Variants in NUTM2B observed in about 807,000 individuals in gnomAD.
The protein encoded by NUTM2B is NUT family member 2B.
Under a neutral mutation model 42.4 loss-of-function variants are expected in NUTM2B, and 2 were observed. The observed-to-expected ratio is 0.05, with a 90% CI of 0.02 to 0.15. The LOEUF is 0.15. Ranked by LOEUF, NUTM2B falls within the 10% of genes least tolerant of loss-of-function variation. NUTM2B has a pLI of 1.00. For synonymous variants in NUTM2B, 18 were observed against 402.4 expected, an observed-to-expected ratio of 0.04 and a Z score of 11.43; for missense variants, 58 against 952.6, an observed-to-expected ratio of 0.06 and a Z score of 12.36.
chr10:79,699,897 A>T (rs1259904595), upstream of NUTM2B, among the ~76,000 whole-genome samples: 1 of 152,194 alleles, frequency 6.6e-6, no homozygotes, highest in Non-Finnish European at 1.5e-5. Flanking sequence ...CACCCGCACA[A>T]ATCTCACACC....
the NUTM2B span, among the ~76,000 whole-genome samples, chr10:79,692,917 GACC>G: frequency 2.6e-5 from 4 of 152,144 alleles, no homozygotes; most frequent in Non-Finnish European, 4.4e-5. Flanking sequence ...GAAGGACATA[GACC>G]ACTGAGCCCC....
chr10:79,694,804 G>A, the NUTM2B span, among the ~76,000 whole-genome samples: 2 of 152,142 alleles, frequency 1.3e-5, no homozygotes, highest in Non-Finnish European at 2.9e-5. Context: ...CGCCCTAACA[G>A]GATCTAACAT....
chr10:79,707,375 G>A (rs1373433315), intron 2 of NUTM2B, among the ~76,000 whole-genome samples: 7 of 132,858 alleles, frequency 5.3e-5, no homozygotes, highest in African/African-American at 1.8e-4. Flanking sequence ...GCATAGCACA[G>A]TGCCTGGCAC....
At chr10:79,701,646 T>C (rs1281482226), upstream of NUTM2B, among the ~76,000 whole-genome samples, 1 of 150,716 alleles carries the variant, frequency 6.6e-6, no homozygotes, top group Admixed American at 6.6e-5. Flanking sequence ...ATGTGTCCTC[T>C]GAACAGGGGA....
At chr10:79,699,500 TG>T (rs1297484309), upstream of NUTM2B, among the ~76,000 whole-genome samples, 1 of 152,256 alleles carries the variant, frequency 6.6e-6, no homozygotes, top group Non-Finnish European at 1.5e-5. Context: ...TGGAGTGCAG[TG>T]GCACGATCTG....
chr10:79,699,571 T>C (rs1308237138), upstream of NUTM2B, among the ~76,000 whole-genome samples: 1 of 152,218 alleles, frequency 6.6e-6, no homozygotes, highest in Non-Finnish European at 1.5e-5. Flanking sequence ...GCCTCCCGAG[T>C]AGCTGGGACT....
At chr10:79,695,403 T>C in the NUTM2B span, among the ~76,000 whole-genome samples, 1 of 152,128 alleles carries the variant, frequency 6.6e-6, no homozygotes, top group Non-Finnish European at 1.5e-5. Flanking sequence ...TGCCTTTGAT[T>C]CCCTCTTTTT....
upstream of NUTM2B, among the ~76,000 whole-genome samples, chr10:79,700,965 G>C (rs905767977): frequency 4.6e-5 from 7 of 152,320 alleles, no homozygotes; most frequent in African/African-American, 7.2e-5. Context: ...CAGCGCGTCC[G>C]CAACGATCAC....
upstream of NUTM2B, among the ~76,000 whole-genome samples, chr10:79,699,807 ATAT>A (rs1299711228): frequency 1.3e-5 from 2 of 152,152 alleles, no homozygotes; most frequent in Admixed American, 1.3e-4. Context: ...ATGTGAATAC[ATAT>A]TAGATTCTCA....
At chr10:79,699,796 C>T (rs1159843035), upstream of NUTM2B, among the ~76,000 whole-genome samples, 22 of 152,290 alleles carry the variant, frequency 1.4e-4, no homozygotes, top group East Asian at 3.9e-3. Context: ...CCAACCCACA[C>T]ATGTGAATAC....
upstream of NUTM2B, among the ~76,000 whole-genome samples, chr10:79,700,690 G>A (rs1021432907): frequency 6.6e-6 from 1 of 152,094 alleles, no homozygotes; most frequent in African/African-American, 2.4e-5. Context: ...GAAGGCCGGT[G>A]GGTCACCGCC....
chr10:79,693,707 AT>A, the NUTM2B span, among the ~76,000 whole-genome samples: 6 of 152,148 alleles, frequency 3.9e-5, no homozygotes, highest in Admixed American at 1.3e-4. Flanking sequence ...ATTACAGTGC[AT>A]TTTTTTAAGA....
At chr10:79,696,671 A>G in the NUTM2B span, among the ~76,000 whole-genome samples, 1 of 152,284 alleles carries the variant, frequency 6.6e-6, no homozygotes, top group Admixed American at 6.5e-5. Context: ...AAAACCCATG[A>G]TTAGTGTCCC....
upstream of NUTM2B, among the ~76,000 whole-genome samples, chr10:79,699,836 T>C (rs974698638): frequency 6.6e-6 from 1 of 152,092 alleles, no homozygotes; most frequent in African/African-American, 2.4e-5. Flanking sequence ...TAAATACATA[T>C]CAAATTCCAA....
At chr10:79,701,725 A>T (rs1449874692), upstream of NUTM2B, among the ~76,000 whole-genome samples, 1 of 151,414 alleles carries the variant, frequency 6.6e-6, no homozygotes, top group Non-Finnish European at 1.5e-5. Context: ...ATGCTCAGAC[A>T]GCAGGGGCCG....
chr10:79,693,518 C>G, the NUTM2B span, among the ~76,000 whole-genome samples: 1 of 152,196 alleles, frequency 6.6e-6, no homozygotes, highest in Non-Finnish European at 1.5e-5. Flanking sequence ...ATATTGAGCC[C>G]AGAACAAATG....
chr10:79,692,507 A>C, the NUTM2B span, among the ~76,000 whole-genome samples: 1 of 152,162 alleles, frequency 6.6e-6, no homozygotes, highest in Admixed American at 6.5e-5. Context: ...CCCCTTGAGA[A>C]ACTTCCCTGC....
upstream of NUTM2B, among the ~76,000 whole-genome samples, chr10:79,700,910 CA>C (rs1840303908): frequency 6.6e-6 from 1 of 152,184 alleles, no homozygotes; most frequent in South Asian, 2.1e-4. Context: ...TGGGGCCAGA[CA>C]ACGCCCCCTC....
At chr10:79,696,301 TGAGAA>T in the NUTM2B span, among the ~76,000 whole-genome samples, 2 of 151,920 alleles carry the variant, frequency 1.3e-5, no homozygotes, top group African/African-American at 2.4e-5. Flanking sequence ...AACACAGAGA[TGAGAA>T]GAGATGTGCT....
Sources: gnomAD v4.1 joint callset for allele counts (sites outside exome capture counted in the v4.1 genomes callset) on GRCh38, gnomAD v4.1.1 for gene constraint, MANE v1.5 for transcripts, NCBI Gene and HGNC (gene_info 2026-07-23, HGNC 2026-07-21) for gene names.